The following KLF12 variants were observed in gnomAD, a reference collection of about 807,000 sequenced individuals.
KLF12 encodes the protein Krueppel-like factor 12.
In KLF12, 9 loss-of-function variants were observed where a neutral mutation model predicts 37.8. That is an observed-to-expected ratio of 0.24 (90% CI 0.14 to 0.42). The LOEUF (loss-of-function observed/expected upper bound fraction) is 0.42, where lower values mean the gene tolerates loss of function less well. Ranked by LOEUF, KLF12 falls within the 10% of genes least tolerant of loss-of-function variation. The pLI, the probability that KLF12 is intolerant of heterozygous loss-of-function variation, is 1.00. For synonymous variants in KLF12, 208 were observed against 202.1 expected (o/e 1.03, Z -0.25); for missense variants, 411 against 516.0 (o/e 0.80, Z 1.97).
chr13:73,966,382 A>G (rs1891172302), intron 2 of KLF12, among the ~76,000 whole-genome samples: 1 of 152,214 alleles, frequency 6.6e-6, no homozygotes, highest in African/African-American at 2.4e-5. Context: ...AAAGAGAACT[A>G]AAAGAAAAAA....
the KLF12 span, among the ~76,000 whole-genome samples, chr13:74,241,674 C>A: frequency 2.0e-5 from 3 of 152,292 alleles, no homozygotes; most frequent in South Asian, 4.1e-4. Context: ...TTAAGCCCGT[C>A]GGAAAAGCGC....
At chr13:74,091,009 A>G (rs1206669004) in intron 1 of KLF12, among the ~76,000 whole-genome samples, 1 of 152,022 alleles carries the variant, frequency 6.6e-6, no homozygotes, top group Non-Finnish European at 1.5e-5. Flanking sequence ...AAACAAGACC[A>G]GTGTGGTTTT....
intron 2 of KLF12, among the ~76,000 whole-genome samples, chr13:73,954,517 G>C (rs908107880): frequency 5.3e-5 from 8 of 152,188 alleles, no homozygotes; most frequent in Admixed American, 4.6e-4. Flanking sequence ...CGTAGTGTTT[G>C]CCTTGTTATT....
the KLF12 span, among the ~76,000 whole-genome samples, chr13:74,304,895 A>C: frequency 6.6e-6 from 1 of 152,146 alleles, no homozygotes; most frequent in African/African-American, 2.4e-5. Flanking sequence ...TAGAAACTCT[A>C]CAAGACATTT....
At chr13:74,177,583 C>CT in the KLF12 span, among the ~76,000 whole-genome samples, 1,680 of 152,222 alleles carry the variant, frequency 0.011, 32 homozygotes, top group African/African-American at 0.035. Context: ...TGGGAAGTCA[C>CT]TTTATTATTT....
At position 73,813,302 on chromosome 13, in the gene KLF12, C is replaced by T. The variant is rs754758383; in HGVS notation, c.671-15G>A. The T allele has an allele frequency of 1.2e-6, 2 of 1,613,424 alleles. No individual in the cohort carries two copies. The highest frequency in any genetic ancestry group is 3.3e-5 in the Admixed American group (2 of 59,948). ...GTCCATTTGTGCTGGAGAGAAAAGG[C>T]ATATATAATGAATTAAAATCAGTGC... On this transcript the variant is annotated splice_polypyrimidine_tract_variant and intron_variant, in intron 4 of 7. Transcript: ENST00000377669.
At chr13:73,776,748 A>G (rs1880632797) in intron 5 of KLF12, among the ~76,000 whole-genome samples, 1 of 152,228 alleles carries the variant, frequency 6.6e-6, no homozygotes, top group Admixed American at 6.5e-5. Flanking sequence ...AAATAGCCAA[A>G]TTAAAGCACA....
At chr13:73,990,275 G>T (rs1891932054) in intron 2 of KLF12, among the ~76,000 whole-genome samples, 1 of 152,066 alleles carries the variant, frequency 6.6e-6, no homozygotes, top group African/African-American at 2.4e-5. Flanking sequence ...ACTTCTCAGA[G>T]ATTAAGAGCA....
the KLF12 span, among the ~76,000 whole-genome samples, chr13:74,303,526 G>T: frequency 6.6e-6 from 1 of 152,072 alleles, no homozygotes; most frequent in African/African-American, 2.4e-5. Flanking sequence ...AACGAGCTCA[G>T]ACCATTTCTG....
the KLF12 span, among the ~76,000 whole-genome samples, chr13:74,248,894 G>A: frequency 1.3e-5 from 2 of 152,104 alleles, no homozygotes; most frequent in African/African-American, 4.8e-5. Flanking sequence ...TGGGGAACAA[G>A]GGAAGGAGGG....
the KLF12 span, among the ~76,000 whole-genome samples, chr13:74,241,979 G>A: frequency 6.6e-6 from 1 of 152,142 alleles, no homozygotes; most frequent in Non-Finnish European, 1.5e-5. Flanking sequence ...CCCAGGTACC[G>A]AATTTTTAAA....
the KLF12 span, among the ~76,000 whole-genome samples, chr13:74,300,848 A>T: frequency 6.6e-6 from 1 of 152,200 alleles, no homozygotes; most frequent in Non-Finnish European, 1.5e-5. Context: ...GGTTCCTGGG[A>T]TGAGATTGAG....
At chr13:74,148,274 TACA>T in the KLF12 span, among the ~76,000 whole-genome samples, 2 of 152,058 alleles carry the variant, frequency 1.3e-5, no homozygotes, top group Non-Finnish European at 2.9e-5. Flanking sequence ...CCCTTCAGCA[TACA>T]ACATGCTATA....
intron 1 of KLF12, among the ~76,000 whole-genome samples, chr13:74,037,429 T>C (rs1301989715): frequency 6.6e-6 from 1 of 152,070 alleles, no homozygotes; most frequent in Non-Finnish European, 1.5e-5. Context: ...ACCACATGCA[T>C]CCATCTTTAC....
intron 3 of KLF12, among the ~76,000 whole-genome samples, chr13:73,866,280 C>A (rs1886174004): frequency 6.6e-6 from 1 of 152,022 alleles, no homozygotes; most frequent in Non-Finnish European, 1.5e-5. Context: ...AAAACAAAAA[C>A]ACACAAGACA....
At chr13:73,856,943 C>T (rs1376738030) in intron 3 of KLF12, among the ~76,000 whole-genome samples, 2 of 152,016 alleles carry the variant, frequency 1.3e-5, no homozygotes, top group East Asian at 1.9e-4. Context: ...GCCGAGATCA[C>T]GCCATCACAC....
chr13:74,014,893 TAAGTA>T (rs1358295548), intron 1 of KLF12, among the ~76,000 whole-genome samples: 1 of 152,206 alleles, frequency 6.6e-6, no homozygotes, highest in Non-Finnish European at 1.5e-5. Flanking sequence ...AATGTTTTTC[TAAGTA>T]AAGCTGTGAG....
rs1888578978 is a variant in KLF12 at position 73,911,776 on chromosome 13, C to T, written c.123+32205G>A. ...GACAGTACAAACTAAAAGTTGCATT[C>T]TTTATGTACTGAATTATGGAAATGG... On this transcript the variant is annotated intron_variant, in intron 3 of 7. Transcript: ENST00000377669. Among the ~76,000 whole-genome samples the T allele has an allele frequency of 2.6e-5, 4 of 152,206 alleles. No individual in the cohort carries two copies. In the South Asian group the frequency reaches 8.3e-4, roughly 31 times the overall value.
At chr13:73,988,364 A>C (rs1891881596) in intron 2 of KLF12, among the ~76,000 whole-genome samples, 1 of 152,228 alleles carries the variant, frequency 6.6e-6, no homozygotes, top group African/African-American at 2.4e-5. Context: ...TATGGCACCA[A>C]TCACATACAA....
Sources: gnomAD v4.1 joint callset for allele counts (sites outside exome capture counted in the v4.1 genomes callset) on GRCh38, gnomAD v4.1.1 for gene constraint, MANE v1.5 for transcripts, NCBI Gene and HGNC (gene_info 2026-07-23, HGNC 2026-07-21) for gene names.